Variants in TRAF2 observed in about 807,000 individuals in gnomAD.
TRAF2 encodes the protein TNF receptor associated factor 2, also known as TNF receptor-associated factor 2.
A neutral mutation model predicts 55.6 loss-of-function variants in TRAF2; 6 were observed. The observed-to-expected ratio is 0.11, with a 90% CI of 0.06 to 0.21. The LOEUF is 0.21. Ranked by LOEUF, TRAF2 falls within the 10% of genes least tolerant of loss-of-function variation. TRAF2 has a pLI of 1.00. For synonymous variants in TRAF2, 329 were observed against 276.3 expected, an observed-to-expected ratio of 1.19 and a Z score of -1.89; for missense variants, 561 against 684.5, an observed-to-expected ratio of 0.82 and a Z score of 2.01.
At chr9:136,884,387 G>A (rs947766940), upstream of TRAF2, among the ~76,000 whole-genome samples, 3 of 151,834 alleles carry the variant, frequency 2.0e-5, no homozygotes, top group Non-Finnish European at 4.4e-5. Context: ...GTGAAACCCC[G>A]TCTCTACTAA....
rs1850513315 is a variant in TRAF2 at position 136,925,669 on chromosome 9, GCT to G, written c.1288-8_1288-7del. On this transcript the variant is annotated splice_polypyrimidine_tract_variant and intron_variant, in intron 10 of 10. Transcript: ENST00000247668. Reference sequence around the variant, plus strand: ...CACAGACCTGTGTCCCCTCCCTGGGGCTCTCTCCTCCAGGTGACCTTAATGCT... The same window carrying G: ...CACAGACCTGTGTCCCCTCCCTGGGGCTCTCCTCCAGGTGACCTTAATGCT... 1.2e-6 allele frequency: 2 copies of G among 1,613,282 alleles called. No homozygotes were observed. Among genetic ancestry groups the G allele is most frequent in the South Asian group, 1.1e-5 (1 of 91,078 alleles).
intron 6 of TRAF2, among the ~76,000 whole-genome samples, chr9:136,912,505 G>A (rs1422093020): frequency 6.6e-6 from 1 of 152,040 alleles, no homozygotes; most frequent in African/African-American, 2.4e-5. Context: ...CCTAACACTG[G>A]TAACGTATTT....
intron 4 of TRAF2, among the ~76,000 whole-genome samples, chr9:136,907,088 A>G (rs1849971668): frequency 1.3e-5 from 2 of 152,146 alleles, no homozygotes; most frequent in African/African-American, 2.4e-5. Context: ...TGCATCCTAC[A>G]TTCTTGATTC....
intron 1 of TRAF2, among the ~76,000 whole-genome samples, chr9:136,894,054 T>TC (rs907531247): frequency 7.4e-6 from 1 of 134,872 alleles, no homozygotes; most frequent in Non-Finnish European, 1.6e-5. Context: ...GGCCTTTTTT[T>TC]TTTTTTTTTT....
At chr9:136,900,704 G>A (rs1189219370) in intron 4 of TRAF2, 184 bp downstream of exon 4, 1 of 671,474 alleles carries the variant, frequency 1.5e-6, no homozygotes. Context: ...CTCAAGTAGT[G>A]CAGAGCACAG....
In TRAF2 at chr9:136,926,035, C is replaced by A; in HGVS notation, c.*134C>A. The A allele has an allele frequency of 9.0e-7, 1 of 1,105,536 alleles. No homozygotes were observed. The highest frequency in any genetic ancestry group is 1.4e-6 in the Non-Finnish European group (1 of 736,056). The allele number at this position is 1,105,536 out of a possible 1,614,324, so 68.5% of individuals were successfully genotyped here. On this transcript the variant is annotated 3_prime_UTR_variant, in exon 11 of 11. Coordinates refer to ENST00000247668, the MANE Select transcript of TRAF2 (RefSeq NM_021138.4). ...CTTGGGCGCTTGGGAGGGTGTCGGC[C>A]TGCAGCCAAGTTCACTGTCACGGGG...
intron 1 of TRAF2, 31 bp from the exon 2 acceptor site, chr9:136,898,682 G>A: frequency 6.2e-7 from 1 of 1,607,544 alleles, no homozygotes; most frequent in Non-Finnish European, 8.5e-7. Context: ...TTCTGGAATT[G>A]AGGTGTAACG....
Position 136,925,967 on chromosome 9 carries a change from A to C in TRAF2, c.*66A>C. 1 of 1,585,982 alleles carries C rather than the reference A, an allele frequency of 6.3e-7. No homozygotes were observed. Among genetic ancestry groups the C allele is most frequent in the Non-Finnish European group, 8.6e-7 (1 of 1,158,614 alleles). On this transcript the variant is annotated 3_prime_UTR_variant, in exon 11 of 11. Transcript: ENST00000247668. ...ACAGCCGGCTCACGGAGGGGCCACC[A>C]CGCTGGGCCAGGGTCTCACTGTACA...
intron 6 of TRAF2, among the ~76,000 whole-genome samples, chr9:136,914,588 C>T (rs1301002602): frequency 6.6e-6 from 1 of 152,190 alleles, no homozygotes; most frequent in African/African-American, 2.4e-5. Flanking sequence ...TGGGTTCACA[C>T]GGATGTTTGC....
chr9:136,920,644 C>A, intron 8 of TRAF2, 129 bp downstream of exon 8: 3 of 1,267,978 alleles, frequency 2.4e-6, no homozygotes, highest in Non-Finnish European at 3.2e-6. Flanking sequence ...TCTGCAAACC[C>A]CAGTCCAGTG....
chr9:136,893,574 C>T (rs1168242925), intron 1 of TRAF2, among the ~76,000 whole-genome samples: 2 of 152,176 alleles, frequency 1.3e-5, no homozygotes, highest in Non-Finnish European at 2.9e-5. Flanking sequence ...CATGGGTCTG[C>T]AGGGTTGGCG....
chr9:136,898,300 A>C (rs1281625311), intron 1 of TRAF2, among the ~76,000 whole-genome samples: 1 of 152,204 alleles, frequency 6.6e-6, no homozygotes, highest in Non-Finnish European at 1.5e-5. Flanking sequence ...CACCACTCTA[A>C]AACATGCTTA....
intron 1 of TRAF2, chr9:136,890,435 G>T (rs1564403597): frequency 6.6e-6 from 1 of 152,294 alleles, no homozygotes; most frequent in East Asian, 1.9e-4. Context: ...CGCGCACCAG[G>T]TCTCAGTCTG....
chr9:136,906,977 G>A (rs758045123), intron 4 of TRAF2, among the ~76,000 whole-genome samples: 5 of 152,224 alleles, frequency 3.3e-5, no homozygotes, highest in South Asian at 2.1e-4. Flanking sequence ...GCCACATCCC[G>A]TCACCTTGCT....
At chr9:136,924,050 T>C in intron 10 of TRAF2, 50 bp downstream of exon 10, 1 of 1,598,984 alleles carries the variant, frequency 6.3e-7, no homozygotes, top group Non-Finnish European at 8.5e-7. Flanking sequence ...GGAGTCCCTC[T>C]GGGCAGTGCA....
At chr9:136,909,657 G>T (rs1013714000) in intron 5 of TRAF2, among the ~76,000 whole-genome samples, 6 of 152,202 alleles carry the variant, frequency 3.9e-5, no homozygotes, top group African/African-American at 4.8e-5. Flanking sequence ...GTTGTTTCAC[G>T]TGGCTTCCAA....
chr9:136,919,042 A>ATATATATATATATATT (rs149167081), intron 7 of TRAF2, among the ~76,000 whole-genome samples: 1 of 138,326 alleles, frequency 7.2e-6, no homozygotes, highest in African/African-American at 2.7e-5. Context: ...GCCTATTTTA[A>ATATATATATATATATT]TATTTATTTA....
At chr9:136,908,674 G>T (rs1477089367) in intron 5 of TRAF2, among the ~76,000 whole-genome samples, 1 of 152,186 alleles carries the variant, frequency 6.6e-6, no homozygotes, top group Non-Finnish European at 1.5e-5. Context: ...AGACCATCCT[G>T]GCTAACATGG....
rs559422953 is a variant in TRAF2 at position 136,920,021 on chromosome 9, A to G, written c.679-213A>G. Among the ~76,000 whole-genome samples the G allele has an allele frequency of 5.3e-5, 8 of 152,302 alleles. No homozygotes were observed. The East Asian group carries it at 1.5e-3, about 29-fold the overall frequency. ...TTGCTAGCTACTGTGCCTGGCTGCA[A>G]CTAAGTTCTATAGCTTCACGTTCTT... On this transcript the variant is annotated intron_variant, in intron 7 of 10. Coordinates refer to ENST00000247668, the MANE Select transcript of TRAF2 (RefSeq NM_021138.4).
Sources: allele counts gnomAD v4.1 joint callset (sites outside exome capture counted in the v4.1 genomes callset), GRCh38; gene constraint gnomAD v4.1.1; transcripts MANE v1.5; gene names NCBI Gene and HGNC (gene_info 2026-07-23, HGNC 2026-07-21).